Variants in SP110 observed in about 807,000 individuals in gnomAD.
The protein encoded by SP110 is SP110 nuclear body protein.
In SP110, 62 loss-of-function variants were observed where a neutral mutation model predicts 92.7. That is an observed-to-expected ratio of 0.67 (90% confidence interval 0.55 to 0.83). The LOEUF is 0.83. Ranked by LOEUF, SP110 falls within the 40% of genes least tolerant of loss-of-function variation. SP110 has a pLI of 0.00. For missense variants in SP110, 793 were observed against 863.9 expected, an observed-to-expected ratio of 0.92 and a Z score of 1.03; for synonymous variants, 273 against 305.3, an observed-to-expected ratio of 0.89 and a Z score of 1.10.
chr2:230,208,183 G>T, intron 7 of SP110, 124 bp from the exon 8 acceptor site: 1 of 659,596 alleles, frequency 1.5e-6, no homozygotes. Flanking sequence ...GGTGACCTTA[G>T]GTGATGGTAC....
chr2:230,202,951 TATGA>T, intron 8 of SP110: 1 of 578,764 alleles, frequency 1.7e-6, no homozygotes, highest in East Asian at 3.0e-5. Flanking sequence ...TCACTCCTGG[TATGA>T]CCTGTTGCAA....
intron 9 of SP110, among the ~76,000 whole-genome samples, chr2:230,202,119 T>A (rs948794596): frequency 2.8e-4 from 42 of 152,346 alleles, no homozygotes; most frequent in Admixed American, 2.5e-3. Context: ...TTCACTAATT[T>A]TTTTTGTTTT....
At chr2:230,205,577 T>C (rs72982416) in intron 8 of SP110, among the ~76,000 whole-genome samples, 19,171 of 152,212 alleles carry the variant, frequency 0.13, 1,370 homozygotes, top group South Asian at 0.27. Flanking sequence ...GTTTTTTGCT[T>C]ACTTTCTTAC....
rs2078330711 is a variant in SP110 at position 230,167,606 on chromosome 2, C to T, written c.*1518G>A. 6.6e-6 allele frequency: 1 copy of T among 152,136 alleles called. No individual in the cohort carries two copies. Among genetic ancestry groups the T allele is most frequent in the Admixed American group, 6.5e-5 (1 of 15,280 alleles). The allele number at this position is 152,136 out of a possible 1,614,324, so 9.4% of individuals were successfully genotyped here. A position where few individuals can be genotyped will look rare whatever the true frequency, so the allele number is the denominator to read the frequency against. ...GGGAGCAGCAATGTTTCTTCCCAAG[C>T]AACATTCTCCTTTGAAATGTGACTT... is the stretch of plus-strand genomic sequence containing the variant. On this transcript the variant is annotated 3_prime_UTR_variant, in exon 19 of 19. Coordinates refer to ENST00000258381, the MANE Select transcript of SP110 (RefSeq NM_080424.4).
Position 230,202,805 on chromosome 2 carries a change from C to A in SP110, c.899-77G>T. The A allele has an allele frequency of 2.9e-6, 4 of 1,366,930 alleles. No individual in the cohort carries two copies. The South Asian group carries it at 3.5e-5, about 12-fold the overall frequency. The allele number at this position is 1,366,930 out of a possible 1,614,324, so 84.7% of individuals were successfully genotyped here. A position where few individuals can be genotyped will look rare whatever the true frequency, so the allele number is the denominator to read the frequency against. On this transcript the variant is annotated intron_variant, in intron 8 of 18. Transcript: ENST00000258381. Reference sequence around the variant, plus strand: ...CTCCTACAGTCCCAATCAGTGACTTCCCTTCTCATGCCCCTAACTCCCACT... The same window carrying A: ...CTCCTACAGTCCCAATCAGTGACTTACCTTCTCATGCCCCTAACTCCCACT...
intron 8 of SP110, among the ~76,000 whole-genome samples, chr2:230,204,030 G>GA (rs1458420186): frequency 6.6e-6 from 1 of 151,978 alleles, no homozygotes; most frequent in Admixed American, 6.5e-5. Context: ...TAAAAAATTG[G>GA]AAAATTGGAA....
Position 230,205,237 on chromosome 2 carries a change from A to G in SP110, c.899-2509T>C, listed in dbSNP as rs1197034967. Among the ~76,000 whole-genome samples, 2 of 152,166 alleles carry G rather than the reference A, an allele frequency of 1.3e-5. 1 individual carries two copies. The highest frequency in any genetic ancestry group is 4.1e-4 in the South Asian group (2 of 4,824). On this transcript the variant is annotated intron_variant, in intron 8 of 18. Coordinates refer to ENST00000258381, the MANE Select transcript of SP110 (RefSeq NM_080424.4). ...TAGATTAAGTTCCTCATTTCAAGTT[A>G]AACTACAACAGGCTCCCAAGGGCCT...
chr2:230,220,782 T>C (rs2045746845), upstream of SP110, among the ~76,000 whole-genome samples: 1 of 152,114 alleles, frequency 6.6e-6, no homozygotes, highest in Non-Finnish European at 1.5e-5. Context: ...GATGGGAGGA[T>C]TGCTTGAGCC....
intron 17 of SP110, chr2:230,171,378 C>T (rs924437414): frequency 1.8e-5 from 7 of 389,974 alleles, no homozygotes; most frequent in South Asian, 1.3e-4. Context: ...AGGCGTGAGC[C>T]GCTGAGCCCA....
chr2:230,222,658 A>G (rs1207187142), upstream of SP110, among the ~76,000 whole-genome samples: 20 of 151,802 alleles, frequency 1.3e-4, no homozygotes, highest in Admixed American at 3.3e-4. Context: ...CAGGAGGTCC[A>G]GTCTCTGGTG....
At chr2:230,216,098 C>G (rs1236101030) in intron 2 of SP110, among the ~76,000 whole-genome samples, 1 of 152,194 alleles carries the variant, frequency 6.6e-6, no homozygotes, top group African/African-American at 2.4e-5. Context: ...CAGTGCCTGC[C>G]TGTCTCACAT....
At chr2:230,207,901 T>C in intron 8 of SP110, 90 bp downstream of exon 8, 1 of 711,704 alleles carries the variant, frequency 1.4e-6, no homozygotes, top group Admixed American at 2.3e-5. Context: ...CCATTGCATT[T>C]AGAATAAAAT....
intron 7 of SP110, 111 bp from the exon 8 acceptor site, chr2:230,208,170 A>C: frequency 1.4e-6 from 1 of 694,070 alleles, no homozygotes; most frequent in Admixed American, 2.2e-5. Flanking sequence ...CTAGAAGTTC[A>C]TTGGTGACCT....
chr2:230,184,097 C>T (rs1004072809), intron 11 of SP110, among the ~76,000 whole-genome samples: 1 of 152,176 alleles, frequency 6.6e-6, no homozygotes, highest in Non-Finnish European at 1.5e-5. Flanking sequence ...AGGGATGATT[C>T]GCATCCCCGA....
chr2:230,198,841 AC>A (rs1475924335), intron 10 of SP110, among the ~76,000 whole-genome samples: 3 of 152,018 alleles, frequency 2.0e-5, no homozygotes, highest in African/African-American at 4.8e-5. Context: ...GAAGTGATCC[AC>A]CCACCTCGGC....
At chr2:230,171,603 C>A (rs144984238) in intron 17 of SP110, 93 bp downstream of exon 17, 2 of 979,134 alleles carry the variant, frequency 2.0e-6, no homozygotes, top group African/African-American at 1.6e-5. Flanking sequence ...CTTCTGTTCT[C>A]CAGCTTCCTG....
chr2:230,216,759 G>A (rs914286037), intron 2 of SP110, 22 bp downstream of exon 2: 2 of 1,613,180 alleles, frequency 1.2e-6, no homozygotes, highest in African/African-American at 2.7e-5. Flanking sequence ...GGGCTGCCAT[G>A]GAAGGGTTCA....
Position 230,165,563 on chromosome 2 carries a change from AAAC to A in SP110, c.*3558_*3560del, listed in dbSNP as rs1370850891. Among the ~76,000 whole-genome samples the A allele has an allele frequency of 6.6e-6, 1 of 152,244 alleles. No individual in the cohort carries two copies. Among genetic ancestry groups the A allele is most frequent in the Non-Finnish European group, 1.5e-5 (1 of 68,046 alleles). On this transcript the variant is annotated 3_prime_UTR_variant, in exon 19 of 19. Transcript: ENST00000258381. ...ATGACATAATATAATTGAATAGAAT[AAAC>A]ATTATAGAGTAAAAGCAAAAAAATT...
chr2:230,172,767 C>T lies in SP110; in HGVS notation c.1706+77G>A, dbSNP rs115081571. ...GACTGCTCTGCGTCACACCCTCGTC[C>T]CCGACGCTCACAGGTCCTGCCCTTT... On this transcript the variant is annotated intron_variant, in intron 15 of 18. Transcript: ENST00000258381. 2.0e-3 allele frequency: 1,947 copies of T among 982,310 alleles called. 29 individuals are homozygous for T. The African/African-American group carries it at 0.028, about 14-fold the overall frequency. 60.8% of individuals were successfully genotyped at this position (982,310 alleles called of 1,614,324 possible).
Sources: allele counts gnomAD v4.1 joint callset (sites outside exome capture counted in the v4.1 genomes callset), GRCh38; gene constraint gnomAD v4.1.1; transcripts MANE v1.5; gene names NCBI Gene and HGNC (gene_info 2026-07-23, HGNC 2026-07-21).